The following NOX4 variants were observed in gnomAD, a reference collection of about 807,000 sequenced individuals.
NOX4 encodes kidney oxidase-1.
In NOX4, 69 loss-of-function variants were observed where a neutral mutation model predicts 87.6. The ratio of observed to expected loss-of-function variants is 0.79; its 90% CI spans 0.65 to 0.96. The LOEUF is 0.96. Ranked by LOEUF, NOX4 falls within the 40% of genes least tolerant of loss-of-function variation. The pLI is 0.00. For synonymous variants in NOX4, 275 were observed against 238.2 expected (o/e 1.15, Z -1.42); for missense variants, 680 against 681.5 (o/e 1.00, Z 0.02).
chr11:89,542,653 C>G, the NOX4 span, among the ~76,000 whole-genome samples: 1 of 152,130 alleles, frequency 6.6e-6, no homozygotes, highest in African/African-American at 2.4e-5. Context: ...TAGTGGTGTT[C>G]TTTGTTCTCT....
At chr11:89,370,850 C>T (rs1264485532) in intron 12 of NOX4, among the ~76,000 whole-genome samples, 2 of 152,024 alleles carry the variant, frequency 1.3e-5, no homozygotes, top group Non-Finnish European at 1.5e-5. Context: ...CCTTGCTCCT[C>T]CAGCACTCTA....
At chr11:89,586,883 A>G in the NOX4 span, among the ~76,000 whole-genome samples, 1 of 152,154 alleles carries the variant, frequency 6.6e-6, no homozygotes, top group Non-Finnish European at 1.5e-5. Context: ...CTAATGTTAG[A>G]TAACAAAGGT....
At chr11:89,347,135 G>GA (rs762918349) in intron 13 of NOX4, among the ~76,000 whole-genome samples, 4 of 152,124 alleles carry the variant, frequency 2.6e-5, no homozygotes, top group Non-Finnish European at 4.4e-5. Context: ...GTATACTGTG[G>GA]AAAATCTTAT....
chr11:89,331,968 T>G (rs181395607), intron 17 of NOX4, among the ~76,000 whole-genome samples: 4 of 151,898 alleles, frequency 2.6e-5, no homozygotes, highest in Admixed American at 2.6e-4. Context: ...TGTACTAAAT[T>G]TGCATTAGAA....
chr11:89,514,959 G>A, the NOX4 span, among the ~76,000 whole-genome samples: 21 of 151,860 alleles, frequency 1.4e-4, no homozygotes, highest in Non-Finnish European at 2.9e-4. Context: ...TTTTATTGCT[G>A]AGTATTATTC....
chr11:89,411,590 C>A (rs1942480530), intron 8 of NOX4, among the ~76,000 whole-genome samples: 1 of 151,964 alleles, frequency 6.6e-6, no homozygotes, highest in Non-Finnish European at 1.5e-5. Flanking sequence ...CTACGCAGTA[C>A]CTCACTGTGG....
chr11:89,327,002 A>G, intron 17 of NOX4, 126 bp from the exon 18 acceptor site: 1 of 833,598 alleles, frequency 1.2e-6, no homozygotes, highest in Non-Finnish European at 1.8e-6. Context: ...TACATATTGA[A>G]AACAATTTTC....
At position 89,336,066 on chromosome 11, in the gene NOX4, C is replaced by A. The variant is rs1590951144; in HGVS notation, c.1516-121G>T. 2.7e-5 allele frequency: 14 copies of A among 510,456 alleles called. No individual in the cohort carries two copies. In the East Asian group the frequency reaches 3.7e-4, roughly 13 times the overall value. The allele number at this position is 510,456 out of a possible 1,614,324, so 31.6% of individuals were successfully genotyped here. Reference sequence around the variant, plus strand: ...GCTGTGATATAAAGAATGTAAGTATCAAATGGCAACCTATCACGTACAATT... The same window carrying A: ...GCTGTGATATAAAGAATGTAAGTATAAAATGGCAACCTATCACGTACAATT... On this transcript the variant is annotated intron_variant, in intron 16 of 17. Transcript: ENST00000263317.
the NOX4 span, among the ~76,000 whole-genome samples, chr11:89,568,959 C>T: frequency 0.54 from 82,811 of 151,970 alleles, 23,998 homozygotes; most frequent in African/African-American, 0.75. Context: ...ACTGGCTAGC[C>T]ATATGCAGAG....
At chr11:89,384,061 C>T (rs896984421) in intron 11 of NOX4, among the ~76,000 whole-genome samples, 5 of 152,088 alleles carry the variant, frequency 3.3e-5, no homozygotes, top group African/African-American at 1.2e-4. Context: ...ACTCTCCTTA[C>T]AATTCCCCAT....
the NOX4 span, among the ~76,000 whole-genome samples, chr11:89,588,552 C>T: frequency 6.6e-6 from 1 of 152,174 alleles, no homozygotes; most frequent in African/African-American, 2.4e-5. Flanking sequence ...CAAGTGCTTG[C>T]CTCTCCCTAA....
At position 89,488,439 on chromosome 11, in the gene NOX4, A is replaced by G. The variant is rs992160675; in HGVS notation, c.153+2019T>C. 1.6e-4 allele frequency among the ~76,000 whole-genome samples: 25 copies of G among 152,248 alleles called. 1 individual carries two copies. Among genetic ancestry groups the G allele is most frequent in the Admixed American group, 9.8e-4 (15 of 15,294 alleles). On this transcript the variant is annotated intron_variant, in intron 2 of 17. Transcript: ENST00000263317. ...AATTTGTTGGTTTATGTTTCTGTGCATATGTGATCTTAATCATATCTGACT... is the reference window on the plus strand; with the variant it reads ...AATTTGTTGGTTTATGTTTCTGTGCGTATGTGATCTTAATCATATCTGACT...
chr11:89,351,213 C>T lies in NOX4; in HGVS notation c.1217+3749G>A, dbSNP rs535326152. 2.6e-5 allele frequency among the ~76,000 whole-genome samples: 4 copies of T among 152,274 alleles called. No homozygotes were observed. The East Asian group carries it at 7.7e-4, about 29-fold the overall frequency. On this transcript the variant is annotated intron_variant, in intron 13 of 17. Coordinates refer to ENST00000263317, the MANE Select transcript of NOX4 (RefSeq NM_016931.5). ...AGCCACAACACAACATTCTCTTCAGCCAAAGACTAATCCAGAACAAGGCCT... is the reference window on the plus strand; with the variant it reads ...AGCCACAACACAACATTCTCTTCAGTCAAAGACTAATCCAGAACAAGGCCT...
At chr11:89,378,953 GAA>G (rs1940068917) in intron 11 of NOX4, among the ~76,000 whole-genome samples, 1 of 151,794 alleles carries the variant, frequency 6.6e-6, no homozygotes, top group African/African-American at 2.4e-5. Flanking sequence ...TTGTATGAAA[GAA>G]AAAAGTGTTT....
chr11:89,559,228 G>A, the NOX4 span, among the ~76,000 whole-genome samples: 3 of 152,024 alleles, frequency 2.0e-5, no homozygotes, highest in African/African-American at 7.2e-5. Context: ...TTCAATAAAT[G>A]CATGTATAAC....
At chr11:89,375,416 C>T (rs1415610194) in intron 11 of NOX4, among the ~76,000 whole-genome samples, 1 of 152,146 alleles carries the variant, frequency 6.6e-6, no homozygotes. Flanking sequence ...AGCGATTCTC[C>T]TGCTTCAGCT....
At chr11:89,416,743 A>T (rs563496814) in intron 8 of NOX4, among the ~76,000 whole-genome samples, 176 of 152,274 alleles carry the variant, frequency 1.2e-3, no homozygotes, top group Middle Eastern at 6.8e-3. Flanking sequence ...TAAAGAATAA[A>T]TGTTTTTAAA....
intron 2 of NOX4, among the ~76,000 whole-genome samples, chr11:89,478,145 T>C (rs1946244253): frequency 6.6e-6 from 1 of 152,150 alleles, no homozygotes; most frequent in South Asian, 2.1e-4. Context: ...AGTCTTACAC[T>C]CATTTCTTCC....
At chr11:89,419,230 A>T (rs1942956817) in intron 8 of NOX4, among the ~76,000 whole-genome samples, 1 of 152,070 alleles carries the variant, frequency 6.6e-6, no homozygotes, top group Non-Finnish European at 1.5e-5. Flanking sequence ...TTCTGTTCAG[A>T]CCTAAAGCAT....
Sources: allele counts gnomAD v4.1 joint callset (sites outside exome capture counted in the v4.1 genomes callset), GRCh38; gene constraint gnomAD v4.1.1; transcripts MANE v1.5; gene names NCBI Gene and HGNC (gene_info 2026-07-23, HGNC 2026-07-21).